Variants in TIAM2 observed in about 807,000 individuals in gnomAD.
TIAM2 encodes the protein rho guanine nucleotide exchange factor TIAM2.
TIAM2 carries 80 observed loss-of-function variants against 152.9 expected under a neutral mutation model. That is an observed-to-expected ratio of 0.52 (90% CI 0.44 to 0.63). TIAM2 has a LOEUF of 0.63. Ranked by LOEUF, TIAM2 falls within the 30% of genes least tolerant of loss-of-function variation. The pLI, the probability that TIAM2 is intolerant of heterozygous loss-of-function variation, is 0.00. For synonymous variants in TIAM2, 804 were observed against 838.0 expected (o/e 0.96, Z 0.70); for missense variants, 1,965 against 2,120.1 (o/e 0.93, Z 1.44).
At chr6:155,111,760 GAATTTTTCCTGA>G (rs1778857120) in intron 2 of TIAM2, among the ~76,000 whole-genome samples, 1 of 152,070 alleles carries the variant, frequency 6.6e-6, no homozygotes, top group Non-Finnish European at 1.5e-5. Context: ...TTGCGTGCTG[GAATTTTTCCTGA>G]AGATACACAC....
At chr6:155,177,781 G>C (rs971798863) in intron 10 of TIAM2, among the ~76,000 whole-genome samples, 1 of 151,954 alleles carries the variant, frequency 6.6e-6, no homozygotes, top group South Asian at 2.1e-4. Context: ...ATTTCCTTTT[G>C]CTCCCATATG....
In TIAM2 at chr6:155,182,334, C is replaced by T. The variant is rs376873997; in HGVS notation, c.2800+16C>T. ...TATGGGGAAGGTCCGTGTGGCACAC[C>T]GTGCCCCTGTTGCCTCTTAATTTGA... On this transcript the variant is annotated intron_variant, in intron 13 of 26. Transcript: ENST00000682666. The T allele has an allele frequency of 5.6e-6, 9 of 1,596,160 alleles. No homozygotes were observed. The African/African-American group carries it at 8.0e-5, about 14-fold the overall frequency.
At chr6:155,195,211 T>C (rs1265956582) in intron 14 of TIAM2, among the ~76,000 whole-genome samples, 2 of 152,250 alleles carry the variant, frequency 1.3e-5, no homozygotes, top group African/African-American at 4.8e-5. Flanking sequence ...TGGCTTTGTT[T>C]ATAGCTTGAG....
intron 1 of TIAM2, among the ~76,000 whole-genome samples, chr6:155,051,044 G>A (rs1199511374): frequency 6.6e-6 from 1 of 152,192 alleles, no homozygotes; most frequent in Non-Finnish European, 1.5e-5. Flanking sequence ...CAAAGGGATT[G>A]GAAAGAAGGT....
Position 155,183,734 on chromosome 6 carries a change from A to T in TIAM2, c.3064+234A>T, listed in dbSNP as rs542761442. Among the ~76,000 whole-genome samples the T allele has an allele frequency of 7.9e-5, 12 of 151,922 alleles. No homozygotes were observed. In the East Asian group the frequency reaches 1.2e-3, roughly 15 times the overall value. ...ATTATTTTTGCACAAAATAACATTT[A>T]AAAAAAAATCATGGACTCTTTAAAA... On this transcript the variant is annotated intron_variant, in intron 14 of 26. Coordinates refer to ENST00000682666, the MANE Select transcript of TIAM2 (RefSeq NM_012454.4).
At chr6:155,019,982 G>T (rs1163490098) in intron 1 of TIAM2, among the ~76,000 whole-genome samples, 1 of 152,150 alleles carries the variant, frequency 6.6e-6, no homozygotes, top group African/African-American at 2.4e-5. Context: ...GAACCTGGAA[G>T]GCGGAGGTTG....
At chr6:155,034,125 A>C (rs1033850617) in intron 1 of TIAM2, among the ~76,000 whole-genome samples, 15 of 151,786 alleles carry the variant, frequency 9.9e-5, no homozygotes, top group Non-Finnish European at 2.1e-4. Flanking sequence ...CTAGGGTGCC[A>C]ACCTGGGTTC....
intron 15 of TIAM2, among the ~76,000 whole-genome samples, chr6:155,230,388 A>G (rs957968794): frequency 6.6e-6 from 1 of 152,174 alleles, no homozygotes; most frequent in Non-Finnish European, 1.5e-5. Flanking sequence ...AGTTTAGCTG[A>G]CTTTAACCCT....
At chr6:155,141,985 C>T (rs561215464) in intron 5 of TIAM2, among the ~76,000 whole-genome samples, 5 of 152,208 alleles carry the variant, frequency 3.3e-5, no homozygotes, top group Non-Finnish European at 7.3e-5. Flanking sequence ...GTCAACGACC[C>T]CTCCAAGCCA....
chr6:155,245,527 T>C (rs1783267069), intron 18 of TIAM2, 96 bp from the exon 19 acceptor site: 4 of 1,021,268 alleles, frequency 3.9e-6, no homozygotes, highest in South Asian at 1.4e-5. Flanking sequence ...ATTAGTGCTA[T>C]GGAATCTGAC....
intron 1 of TIAM2, among the ~76,000 whole-genome samples, chr6:155,041,197 A>G (rs959895399): frequency 2.0e-5 from 3 of 152,202 alleles, no homozygotes; most frequent in Admixed American, 2.0e-4. Context: ...CTCCATTACC[A>G]TTCAAGTAGG....
chr6:155,015,112 A>G (rs1219318344), intron 1 of TIAM2, among the ~76,000 whole-genome samples: 3 of 152,080 alleles, frequency 2.0e-5, no homozygotes, highest in Non-Finnish European at 4.4e-5. Context: ...ATCTGTGCAG[A>G]GAGTCCGCAC....
intron 1 of TIAM2, among the ~76,000 whole-genome samples, chr6:155,059,851 A>G (rs922810980): frequency 2.6e-5 from 4 of 152,140 alleles, no homozygotes; most frequent in African/African-American, 9.7e-5. Flanking sequence ...GCAAGTTACC[A>G]AGTCCAGCTC....
chr6:155,069,259 T>A (rs144631218), intron 1 of TIAM2, among the ~76,000 whole-genome samples: 1 of 152,164 alleles, frequency 6.6e-6, no homozygotes, highest in East Asian at 1.9e-4. Context: ...CACGCCTGAC[T>A]AATTTTTGTA....
At chr6:155,123,663 G>A (rs1383021481) in intron 2 of TIAM2, among the ~76,000 whole-genome samples, 2 of 152,236 alleles carry the variant, frequency 1.3e-5, no homozygotes, top group Non-Finnish European at 2.9e-5. Context: ...GCCTCTTTGT[G>A]TGTCTGTGAG....
intron 1 of TIAM2, among the ~76,000 whole-genome samples, chr6:155,039,014 G>T (rs1218173985): frequency 7.3e-6 from 1 of 136,480 alleles, no homozygotes; most frequent in East Asian, 2.2e-4. Context: ...AGGCTAGAGT[G>T]TAGTGGCGTG....
chr6:155,218,393 G>A lies in TIAM2; in HGVS notation c.3168+7086G>A, dbSNP rs1254895246. The stretch of plus-strand genomic sequence containing the variant: ...TAATTCCAGGTAGCCCTTTCTTGGA[G>A]GCAGTGGTATGTTGGAAAGAACTCG... On this transcript the variant is annotated intron_variant, in intron 15 of 26. Coordinates refer to ENST00000682666, the MANE Select transcript of TIAM2 (RefSeq NM_012454.4). This position sits in a 1 kb window ranked among gnomAD's most constrained non-coding sequence, Gnocchi z 4.5. Among the ~76,000 whole-genome samples, 1 of 152,192 alleles carries A rather than the reference G, an allele frequency of 6.6e-6. No individual in the cohort carries two copies. Among genetic ancestry groups the A allele is most frequent in the Non-Finnish European group, 1.5e-5 (1 of 68,036 alleles).
At chr6:155,182,078 A>G (rs1407753829) in intron 12 of TIAM2, 148 bp from the exon 13 acceptor site, 2 of 650,402 alleles carry the variant, frequency 3.1e-6, no homozygotes, top group African/African-American at 3.6e-5. Flanking sequence ...CCTGCAAGAT[A>G]TTTATACTTT....
intron 26 of TIAM2, chr6:155,255,654 C>A (rs945974782): frequency 2.0e-5 from 3 of 151,674 alleles, no homozygotes; most frequent in Non-Finnish European, 4.4e-5. Context: ...CATAAAATTT[C>A]AGAAAGTTGT....
Sources: allele counts gnomAD v4.1 joint callset (sites outside exome capture counted in the v4.1 genomes callset), GRCh38; gene constraint gnomAD v4.1.1; non-coding constraint Gnocchi (gnomAD v3.1); transcripts MANE v1.5; gene names NCBI Gene and HGNC (gene_info 2026-07-23, HGNC 2026-07-21).